Variants in FBXO7 observed in about 807,000 individuals in gnomAD.
FBXO7 encodes the protein F-box only protein 7.
FBXO7 carries 31 observed loss-of-function variants against 50.2 expected under a neutral mutation model. That is an observed-to-expected ratio of 0.62 (90% confidence interval 0.46 to 0.83). The LOEUF (loss-of-function observed/expected upper bound fraction) is 0.83. FBXO7 is among the 40% of genes least tolerant of loss of function. FBXO7 has a pLI of 0.00. For synonymous variants in FBXO7, 256 were observed against 253.1 expected (o/e 1.01, Z -0.11); for missense variants, 667 against 646.6 (o/e 1.03, Z -0.34).
At chr22:32,495,610 A>G (rs2057569131) in intron 8 of FBXO7, 80 bp downstream of exon 8, 1 of 697,394 alleles carries the variant, frequency 1.4e-6, no homozygotes, top group Admixed American at 2.9e-5. Flanking sequence ...GTATATTTTC[A>G]CTTTTATATG....
intron 4 of FBXO7, chr22:32,487,141 G>A (rs3788450): frequency 0.42 from 63,359 of 152,214 alleles, 13,699 homozygotes; most frequent in East Asian, 0.69. Flanking sequence ...CTTTGAAAAG[G>A]AGCAGTGTGT....
intron 2 of FBXO7, among the ~76,000 whole-genome samples, chr22:32,480,035 T>C (rs765772324): frequency 4.6e-5 from 7 of 152,230 alleles, no homozygotes; most frequent in Admixed American, 3.3e-4. Flanking sequence ...GTGGCACTGC[T>C]GGTTTTCTGT....
intron 6 of FBXO7, chr22:32,491,389 CT>C: frequency 1.9e-6 from 1 of 515,528 alleles, no homozygotes; most frequent in Non-Finnish European, 3.4e-6. Flanking sequence ...ATTGTAGTCT[CT>C]TTTCCATGGA....
At position 32,492,870 on chromosome 22, in the gene FBXO7, T is replaced by C. The variant is rs933244630; in HGVS notation, c.968-235T>C. On this transcript the variant is annotated intron_variant, in intron 6 of 8. Coordinates refer to ENST00000266087, the MANE Select transcript of FBXO7 (RefSeq NM_012179.4). The stretch of plus-strand genomic sequence containing the variant: ...TGATTTATATTAAAAAGCATTTGTC[T>C]TTCCACTAAAACATAAAGGGAATAA... 4 of 565,432 alleles carry C rather than the reference T, an allele frequency of 7.1e-6. No homozygotes were observed. The South Asian group carries it at 8.5e-5, about 12-fold the overall frequency. The allele number at this position is 565,432 out of a possible 1,614,324, so 35.0% of individuals were successfully genotyped here.
intron 2 of FBXO7, 84 bp downstream of exon 2, chr22:32,479,359 T>G (rs1177158873): frequency 1.5e-6 from 2 of 1,313,900 alleles, no homozygotes; most frequent in African/African-American, 1.5e-5. Flanking sequence ...CCAGTCAGGA[T>G]AATTATCATC....
Position 32,491,138 on chromosome 22 carries a change from T to C in FBXO7, c.924T>C (p.Phe308=), listed in dbSNP as rs751627841. Reference sequence around the variant, plus strand: ...ATCTTCAGAAACTCTCTCGCCTCTTTAAAGACCAGCTGGTGTATCCTCTTC... The same window carrying C: ...ATCTTCAGAAACTCTCTCGCCTCTTCAAAGACCAGCTGGTGTATCCTCTTC... ...YKDLQKLSRL[F]KDQLVYPLLA... The change falls in exon 6 of 9, where the codon TTT becomes TTC. Residue 308 remains phenylalanine (F), a synonymous_variant. Transcript: ENST00000266087. 1 of 1,613,418 alleles carries C rather than the reference T, an allele frequency of 6.2e-7. No homozygotes were observed. The highest frequency in any genetic ancestry group is 1.1e-5 in the South Asian group (1 of 91,054).
intron 5 of FBXO7, chr22:32,488,069 T>C (rs2057510639): frequency 4.6e-6 from 2 of 437,920 alleles, no homozygotes; most frequent in Non-Finnish European, 4.2e-6. Flanking sequence ...TATATTGTTA[T>C]GAGATAACAC....
In FBXO7 at chr22:32,493,163, G is replaced by A. The variant is rs758247538; in HGVS notation, c.1026G>A (p.Arg342=). The A allele has an allele frequency of 6.2e-7, 1 of 1,614,110 alleles. No individual in the cohort carries two copies. The highest frequency in any genetic ancestry group is 1.1e-5 in the South Asian group (1 of 91,074). ...TCCTCCCATTGGAACTGAAACTACG[G>A]ATCTTCCGACTTCTGGATGTTCGTT... ...LVVLPLELKL[R]IFRLLDVRSV... is the part of the protein sequence containing the mutation. Residue 342 remains arginine, a synonymous_variant, in exon 7 of 9, where the codon CGG becomes CGA. Transcript: ENST00000266087.
intron 1 of FBXO7, chr22:32,475,566 C>T (rs540936722): frequency 3.1e-5 from 27 of 880,112 alleles, no homozygotes; most frequent in Non-Finnish European, 4.4e-5. Context: ...TGGAGTATTT[C>T]AATGAAAAAG....
rs1270108106 is a variant in FBXO7 at position 32,491,117 on chromosome 22, T to C, written c.903T>C (p.Leu301=). 6.2e-7 allele frequency: 1 copy of C among 1,613,562 alleles called. No individual in the cohort carries two copies. The highest frequency in any genetic ancestry group is 8.5e-7 in the Non-Finnish European group (1 of 1,179,526). Residue 301 remains leucine, a synonymous_variant, in exon 6 of 9, where the codon CTT becomes CTC. Transcript: ENST00000266087. ...GENVANIYKD[L]QKLSRLFKDQ... is the part of the protein sequence containing the mutation. ...ATGTAGCCAACATATACAAAGATCTTCAGAAACTCTCTCGCCTCTTTAAAG... is the reference window on the plus strand; with the variant it reads ...ATGTAGCCAACATATACAAAGATCTCCAGAAACTCTCTCGCCTCTTTAAAG...
At chr22:32,480,471 C>T (rs1490064755) in intron 2 of FBXO7, among the ~76,000 whole-genome samples, 1 of 151,946 alleles carries the variant, frequency 6.6e-6, no homozygotes, top group African/African-American at 2.4e-5. Flanking sequence ...TGTGCACACA[C>T]ACAACCTGGT....
Position 32,493,223 on chromosome 22 carries a change from C to T in FBXO7, c.1086C>T (p.Leu362=), listed in dbSNP as rs1348830671. Reference sequence around the variant, plus strand: ...CTTTGTCTGCGGTTTGTCGTGACCTCTTTACTGCTTCAAATGACCCACTCC... The same window carrying T: ...CTTTGTCTGCGGTTTGTCGTGACCTTTTTACTGCTTCAAATGACCCACTCC... The part of the protein sequence containing the change: ...VLSLSAVCRD[L]FTASNDPLLW... Residue 362 remains leucine, a synonymous_variant, in exon 7 of 9, where the codon CTC becomes CTT. Transcript: ENST00000266087. The T allele has an allele frequency of 3.7e-6, 6 of 1,614,154 alleles. No homozygotes were observed. The highest frequency in any genetic ancestry group is 5.1e-6 in the Non-Finnish European group (6 of 1,179,988).
chr22:32,493,130 G>T lies in FBXO7; in HGVS notation c.993G>T (p.Gly331=), dbSNP rs766700888. The T allele has an allele frequency of 1.2e-6, 2 of 1,614,130 alleles. No homozygotes were observed. Among genetic ancestry groups the T allele is most frequent in the East Asian group, 2.2e-5 (1 of 44,884 alleles). ...RQALNLPDVF[G]LVVLPLELKL... ...CACTGAACCTACCAGATGTATTTGG[G>T]TTGGTCGTCCTCCCATTGGAACTGA... Residue 331 remains glycine, a synonymous_variant, in exon 7 of 9, where the codon GGG becomes GGT. Transcript: ENST00000266087.
intron 5 of FBXO7, chr22:32,490,388 A>G (rs1237470910): frequency 1.3e-5 from 2 of 152,234 alleles, no homozygotes; most frequent in African/African-American, 4.8e-5. Context: ...TGGGGATCTT[A>G]TTAAAATATA....
At chr22:32,485,236 C>T (rs770704055) in intron 4 of FBXO7, 27 bp downstream of exon 4, 3 of 1,613,858 alleles carry the variant, frequency 1.9e-6, no homozygotes, top group Non-Finnish European at 2.5e-6. Flanking sequence ...GTCATGGTTG[C>T]TGGTTTATGG....
At chr22:32,484,526 AC>A (rs1198934645) in intron 3 of FBXO7, among the ~76,000 whole-genome samples, 1 of 152,166 alleles carries the variant, frequency 6.6e-6, no homozygotes, top group Non-Finnish European at 1.5e-5. Context: ...CCATGCACTG[AC>A]CTAGAAATTA....
chr22:32,479,241 C>T lies in FBXO7; in HGVS notation c.383C>T (p.Ala128Val). The T allele has an allele frequency of 6.2e-7, 1 of 1,614,122 alleles. No homozygotes were observed. Among genetic ancestry groups the T allele is most frequent in the Non-Finnish European group, 8.5e-7 (1 of 1,180,026 alleles). The change falls in exon 2 of 9, where the codon GCA becomes GTA. Residue 128 changes from alanine to valine, a missense_variant. Coordinates refer to ENST00000266087, the MANE Select transcript of FBXO7 (RefSeq NM_012179.4). ...EQPSDSFQGQAAQSGVWNDDS... is the reference protein window; with the variant it reads ...EQPSDSFQGQVAQSGVWNDDS... Reference sequence around the variant, plus strand: ...CCAAGTGATTCATTCCAAGGACAGGCAGCCCAGTCTGGTGTTTGGAATGAC... The same window carrying T: ...CCAAGTGATTCATTCCAAGGACAGGTAGCCCAGTCTGGTGTTTGGAATGAC...
At chr22:32,494,130 AT>A (rs2057557130) in intron 7 of FBXO7, among the ~76,000 whole-genome samples, 1 of 142,968 alleles carries the variant, frequency 7.0e-6, no homozygotes, top group African/African-American at 2.5e-5. Flanking sequence ...AAAAAAAAGA[AT>A]ATCATGTAGA....
intron 4 of FBXO7, among the ~76,000 whole-genome samples, chr22:32,486,851 G>A (rs756427412): frequency 2.0e-5 from 3 of 152,282 alleles, no homozygotes; most frequent in Middle Eastern, 3.4e-3. Flanking sequence ...AACAGTTTCT[G>A]CCTTCATCTA....
Sources: gnomAD v4.1 joint callset for allele counts (sites outside exome capture counted in the v4.1 genomes callset) on GRCh38, gnomAD v4.1.1 for gene constraint, MANE v1.5 for transcripts, NCBI Gene and HGNC (gene_info 2026-07-23, HGNC 2026-07-21) for gene names.